Variants in NR3C2 observed in about 807,000 individuals in gnomAD.
The protein encoded by NR3C2 is mineralocorticoid receptor.
A neutral mutation model predicts 86.4 loss-of-function variants in NR3C2; 15 were observed. The ratio of observed to expected loss-of-function variants is 0.17; its 90% CI spans 0.12 to 0.27. The LOEUF (loss-of-function observed/expected upper bound fraction) is 0.27. NR3C2 is among the 10% of genes least tolerant of loss of function. The probability of loss-of-function intolerance (pLI) is 1.00; values close to 1 mark genes in which losing one functional copy is unlikely to be tolerated. For missense variants in NR3C2, 960 were observed against 1,195.6 expected (o/e 0.80, Z 2.91); for synonymous variants, 458 against 450.5 (o/e 1.02, Z -0.21).
intron 6 of NR3C2, among the ~76,000 whole-genome samples, chr4:148,120,582 A>G (rs1041706119): frequency 3.3e-5 from 5 of 152,186 alleles, no homozygotes; most frequent in African/African-American, 1.2e-4. Context: ...AGTAATACTG[A>G]CTGATGAGGA....
intron 3 of NR3C2, among the ~76,000 whole-genome samples, chr4:148,211,335 G>A (rs1560979958): frequency 6.6e-6 from 1 of 152,186 alleles, no homozygotes; most frequent in Non-Finnish European, 1.5e-5. Flanking sequence ...AGCTCCAACA[G>A]TGCTGAAAGC....
intron 8 of NR3C2, among the ~76,000 whole-genome samples, chr4:148,092,838 G>A (rs1029998312): frequency 2.6e-5 from 4 of 152,166 alleles, no homozygotes; most frequent in Non-Finnish European, 5.9e-5. Context: ...GGAGTGGGGA[G>A]GGTGGTCATA....
chr4:148,302,846 CAAA>C (rs35574035), intron 2 of NR3C2, among the ~76,000 whole-genome samples: 5 of 88,516 alleles, frequency 5.6e-5, no homozygotes, highest in Admixed American at 1.2e-4. Flanking sequence ...AACTCCGTCT[CAAA>C]AAAAAAAAAA....
chr4:148,143,177 G>A (rs1396032647), intron 6 of NR3C2, among the ~76,000 whole-genome samples: 6 of 152,186 alleles, frequency 3.9e-5, no homozygotes, highest in East Asian at 3.8e-4. Context: ...AAGAAGGCTC[G>A]AAAGAGCCAT....
intron 4 of NR3C2, among the ~76,000 whole-genome samples, chr4:148,174,261 A>T (rs1426710778): frequency 6.6e-6 from 1 of 152,214 alleles, no homozygotes; most frequent in Non-Finnish European, 1.5e-5. Flanking sequence ...TTTCAACTCT[A>T]GAGTATTTTA....
rs1363378588 is a variant in NR3C2, at chr4:148,436,311, G to A, written c.550C>T (p.Pro184Ser). ...GGGCTTTTCTCATGACACATGATAGGGCTTTTAACAACGGCGCGCATGACG... is the reference window on the plus strand; with the variant it reads ...GGGCTTTTCTCATGACACATGATAGAGCTTTTAACAACGGCGCGCATGACG... The part of the protein sequence containing the change: ...GGVMRAVVKS[P>S]IMCHEKSPSV... The change falls in exon 2 of 9, where the codon CCT (proline) becomes TCT (serine). Residue 184 changes from proline to serine, a missense_variant. By Grantham distance (74) the Pro-to-Ser change is moderately conservative. This residue lies in a region of NR3C2 where 680 missense variants were observed against 719.0 expected (regional missense o/e 0.95). Coordinates refer to ENST00000358102, the MANE Select transcript of NR3C2 (RefSeq NM_000901.5). 6.2e-7 allele frequency: 1 copy of A among 1,614,158 alleles called. No homozygotes were observed.
intron 2 of NR3C2, among the ~76,000 whole-genome samples, chr4:148,409,776 T>C (rs943504765): frequency 2.6e-5 from 4 of 152,132 alleles, no homozygotes; most frequent in African/African-American, 9.7e-5. Flanking sequence ...TCAAATAAGT[T>C]CACGGTACAA....
At chr4:148,372,843 T>G (rs1746486943) in intron 2 of NR3C2, among the ~76,000 whole-genome samples, 1 of 152,212 alleles carries the variant, frequency 6.6e-6, no homozygotes, top group African/African-American at 2.4e-5. Flanking sequence ...GTTTAACCCC[T>G]TTTAAGAACT....
intron 2 of NR3C2, among the ~76,000 whole-genome samples, chr4:148,372,660 A>G (rs1746477308): frequency 6.6e-6 from 1 of 152,228 alleles, no homozygotes; most frequent in African/African-American, 2.4e-5. Flanking sequence ...GAAGGCACAT[A>G]AAAGGAAAAA....
intron 3 of NR3C2, among the ~76,000 whole-genome samples, chr4:148,196,106 TGTG>T (rs1736430439): frequency 6.6e-6 from 1 of 152,064 alleles, no homozygotes; most frequent in African/African-American, 2.4e-5. Context: ...GCTGGGTCAT[TGTG>T]GTAGCAGTGG....
chr4:148,126,991 C>G (rs1444729661), intron 6 of NR3C2, among the ~76,000 whole-genome samples: 1 of 152,178 alleles, frequency 6.6e-6, no homozygotes, highest in Non-Finnish European at 1.5e-5. Context: ...TTTCCAGAGT[C>G]ATACAACTCT....
intron 2 of NR3C2, among the ~76,000 whole-genome samples, chr4:148,273,678 G>C (rs1289399297): frequency 6.6e-6 from 1 of 152,156 alleles, no homozygotes; most frequent in Non-Finnish European, 1.5e-5. Context: ...ACACAGACAC[G>C]AGAAGGAACA....
At chr4:148,153,941 T>A (rs1419862129) in intron 5 of NR3C2, among the ~76,000 whole-genome samples, 3 of 152,188 alleles carry the variant, frequency 2.0e-5, no homozygotes, top group Non-Finnish European at 4.4e-5. Flanking sequence ...TTTTACCTTA[T>A]TAATATTTTT....
At chr4:148,363,502 A>ATTTTTTTTTTTTTTTTTTTTTT (rs1414328296) in intron 2 of NR3C2, among the ~76,000 whole-genome samples, 2 of 16,222 alleles carry the variant, frequency 1.2e-4, no homozygotes, top group African/African-American at 3.5e-4. Context: ...CTTCTCATAG[A>ATTTTTTTTTTTTTTTTTTTTTT]TCTCTTTTTT....
intron 2 of NR3C2, among the ~76,000 whole-genome samples, chr4:148,417,319 T>C (rs957890788): frequency 2.0e-5 from 3 of 152,208 alleles, no homozygotes; most frequent in African/African-American, 4.8e-5. Context: ...ACACACGTAC[T>C]TCCTTCTACC....
chr4:148,231,406 A>C (rs1214535249), intron 3 of NR3C2, among the ~76,000 whole-genome samples: 1 of 152,220 alleles, frequency 6.6e-6, no homozygotes, highest in African/African-American at 2.4e-5. Flanking sequence ...ACATCCCAAT[A>C]AAGCAAGCAC....
chr4:148,382,289 C>T (rs1031423767), intron 2 of NR3C2, among the ~76,000 whole-genome samples: 1 of 152,176 alleles, frequency 6.6e-6, no homozygotes, highest in Admixed American at 6.6e-5. Flanking sequence ...ATTTATTTCA[C>T]CTCCTCCTCA....
chr4:148,235,391 A>T (rs1018722770), intron 3 of NR3C2, among the ~76,000 whole-genome samples: 2 of 151,908 alleles, frequency 1.3e-5, no homozygotes, highest in Non-Finnish European at 2.9e-5. Context: ...CGCTAACTGT[A>T]GAAGTGAGGT....
intron 2 of NR3C2, among the ~76,000 whole-genome samples, chr4:148,310,083 A>T (rs1742834396): frequency 6.6e-6 from 1 of 152,230 alleles, no homozygotes; most frequent in Admixed American, 6.5e-5. Flanking sequence ...CATCATAATA[A>T]CTAGAATTAT....
Sources: gnomAD v4.1 joint callset for allele counts (sites outside exome capture counted in the v4.1 genomes callset) on GRCh38, gnomAD v4.1.1 for gene constraint, gnomAD v4.1.1 regional missense constraint, MANE v1.5 for transcripts, NCBI Gene and HGNC (gene_info 2026-07-23, HGNC 2026-07-21) for gene names.